TAF3: variants seen among roughly 807,000 people sequenced by gnomAD.
TAF3 encodes the protein TATA-box binding protein associated factor 3, also known as transcription initiation factor TFIID subunit 3.
In TAF3, 7 loss-of-function variants were observed where a neutral mutation model predicts 80.6. The ratio of observed to expected loss-of-function variants is 0.09; its 90% CI spans 0.05 to 0.16. TAF3 has a LOEUF of 0.16. Among genes scored for constraint, TAF3 ranks in the 10% least tolerant of loss-of-function variants. The pLI is 1.00. For missense variants in TAF3, 921 were observed against 1,140.2 expected (o/e 0.81, Z 2.77); for synonymous variants, 444 against 446.1 (o/e 1.00, Z 0.06).
intron 3 of TAF3, among the ~76,000 whole-genome samples, chr10:7,972,208 A>T (rs530801487): frequency 7.5e-4 from 114 of 152,296 alleles, no homozygotes; most frequent in African/African-American, 2.6e-3. Context: ...CATGTGAGAA[A>T]TTATTTTATG....
intron 2 of TAF3, among the ~76,000 whole-genome samples, chr10:7,834,434 T>A (rs1317518068): frequency 6.6e-6 from 1 of 152,096 alleles, no homozygotes; most frequent in Non-Finnish European, 1.5e-5. Context: ...TCCAGTTGTC[T>A]CCACGCTGGG....
chr10:7,835,737 T>C, intron 2 of TAF3, among the ~76,000 whole-genome samples: 1 of 152,206 alleles, frequency 6.6e-6, no homozygotes, highest in East Asian at 1.9e-4. Flanking sequence ...GTGGCCCTTT[T>C]GGGGTTTTCC....
intron 1 of TAF3, 115 bp from the exon 2 acceptor site, chr10:7,824,203 A>G: frequency 8.6e-7 from 1 of 1,160,102 alleles, no homozygotes; most frequent in Non-Finnish European, 1.2e-6. Flanking sequence ...TCCAATAACT[A>G]GGTTAAAATG....
Position 7,964,260 on chromosome 10 carries a change from T to C in TAF3, c.750T>C (p.Ala250=), listed in dbSNP as rs759937080. The C allele has an allele frequency of 6.2e-7, 1 of 1,614,062 alleles. No homozygotes were observed. The highest frequency in any genetic ancestry group is 1.3e-5 in the African/African-American group (1 of 74,912). Reference sequence around the variant, plus strand: ...CCTCACCCGAGCCGCCAATGTTGGCTCCAGTTGCAAAATCACAAATGCCAA... The same window carrying C: ...CCTCACCCGAGCCGCCAATGTTGGCCCCAGTTGCAAAATCACAAATGCCAA... The part of the protein sequence containing the change: ...APPSPEPPML[A]PVAKSQMPTA... The change falls in exon 3 of 7, where the codon GCT becomes GCC. Residue 250 remains alanine (A), a synonymous_variant. Coordinates refer to ENST00000344293, the MANE Select transcript of TAF3 (RefSeq NM_031923.4). The surrounding 1 kb of genome is among the most constrained non-coding windows in gnomAD (Gnocchi z 4.1).
intron 3 of TAF3, among the ~76,000 whole-genome samples, chr10:7,974,903 G>A (rs546833418): frequency 3.3e-5 from 5 of 151,816 alleles, no homozygotes; most frequent in Admixed American, 2.0e-4. Flanking sequence ...GTGAAACCCC[G>A]TCTCTACTAA....
chr10:7,991,214 C>T (rs561573252), intron 4 of TAF3, among the ~76,000 whole-genome samples: 4 of 152,184 alleles, frequency 2.6e-5, no homozygotes, highest in Non-Finnish European at 5.9e-5. Context: ...CATACATACA[C>T]ATCCGTATGC....
intron 2 of TAF3, among the ~76,000 whole-genome samples, chr10:7,959,633 A>G (rs1409339324): frequency 6.6e-6 from 1 of 152,210 alleles, no homozygotes; most frequent in South Asian, 2.1e-4. Flanking sequence ...TGATACCGTT[A>G]TGAGTTATTT....
chr10:7,838,450 C>T (rs1215246909), intron 2 of TAF3, among the ~76,000 whole-genome samples: 2 of 152,020 alleles, frequency 1.3e-5, no homozygotes, highest in African/African-American at 2.4e-5. Flanking sequence ...GGCCTGATCT[C>T]GACTCACTGC....
At chr10:7,971,920 T>C (rs1355554906) in intron 3 of TAF3, among the ~76,000 whole-genome samples, 1 of 152,198 alleles carries the variant, frequency 6.6e-6, no homozygotes, top group Non-Finnish European at 1.5e-5. Context: ...TACATAAAAC[T>C]GGACAAATCC....
At chr10:7,984,395 T>C (rs1325512839) in intron 4 of TAF3, among the ~76,000 whole-genome samples, 1 of 152,352 alleles carries the variant, frequency 6.6e-6, no homozygotes, top group East Asian at 1.9e-4. Context: ...TCCATCTTAC[T>C]TGTAAACAAT....
intron 2 of TAF3, among the ~76,000 whole-genome samples, chr10:7,923,937 G>C (rs576437914): frequency 6.6e-6 from 1 of 152,170 alleles, no homozygotes; most frequent in Non-Finnish European, 1.5e-5. Context: ...AAATAAAGGA[G>C]TATTCCAAGG....
intron 2 of TAF3, among the ~76,000 whole-genome samples, chr10:7,865,185 G>A (rs1378075054): frequency 1.3e-5 from 2 of 151,974 alleles, no homozygotes; most frequent in Non-Finnish European, 2.9e-5. Context: ...CAGAAAGTAG[G>A]GGCCGGGCAT....
chr10:7,895,656 A>C (rs1321352773), intron 2 of TAF3, among the ~76,000 whole-genome samples: 1 of 152,194 alleles, frequency 6.6e-6, no homozygotes, highest in Non-Finnish European at 1.5e-5. Flanking sequence ...CATGATTCTA[A>C]TTGAAAAGGG....
intron 4 of TAF3, among the ~76,000 whole-genome samples, chr10:8,006,212 A>T (rs1374779516): frequency 6.6e-6 from 1 of 151,316 alleles, no homozygotes; most frequent in Non-Finnish European, 1.5e-5. Flanking sequence ...ACACACACAC[A>T]CACACACACA....
chr10:7,956,984 A>G, intron 2 of TAF3, among the ~76,000 whole-genome samples: 1 of 152,086 alleles, frequency 6.6e-6, no homozygotes, highest in East Asian at 1.9e-4. Context: ...TATAGGGGTT[A>G]TATAATAATT....
intron 2 of TAF3, among the ~76,000 whole-genome samples, chr10:7,858,126 C>T (rs1298824162): frequency 6.6e-6 from 1 of 152,000 alleles, no homozygotes; most frequent in Non-Finnish European, 1.5e-5. Flanking sequence ...TCTTATATCC[C>T]ATAGTAAAAG....
chr10:7,978,034 T>C (rs1831690650), intron 4 of TAF3, among the ~76,000 whole-genome samples: 1 of 152,230 alleles, frequency 6.6e-6, no homozygotes, highest in Non-Finnish European at 1.5e-5. Context: ...TGATTTTTTT[T>C]TTTGGAACTC....
chr10:7,944,891 T>C (rs1838009649), intron 2 of TAF3, among the ~76,000 whole-genome samples: 1 of 152,172 alleles, frequency 6.6e-6, no homozygotes, highest in African/African-American at 2.4e-5. Context: ...TCTTGAGATA[T>C]TTTTTTCCAG....
chr10:7,949,963 A>G (rs565039983), intron 2 of TAF3, among the ~76,000 whole-genome samples: 2 of 152,342 alleles, frequency 1.3e-5, no homozygotes, highest in African/African-American at 4.8e-5. Flanking sequence ...AATTTCAGAG[A>G]TGCACATTTT....
Sources: allele counts gnomAD v4.1 joint callset (sites outside exome capture counted in the v4.1 genomes callset), GRCh38; gene constraint gnomAD v4.1.1; non-coding constraint Gnocchi (gnomAD v3.1); transcripts MANE v1.5; gene names NCBI Gene and HGNC (gene_info 2026-07-23, HGNC 2026-07-21).